Variants in FLVCR2 observed in about 807,000 individuals in gnomAD.
The protein encoded by FLVCR2 is FLVCR choline and putative heme transporter 2.
In FLVCR2, 38 loss-of-function variants were observed where a neutral mutation model predicts 48.9. The ratio of observed to expected loss-of-function variants is 0.78; its 90% CI spans 0.60 to 1.02. FLVCR2 has a LOEUF of 1.02. Ranked by LOEUF, FLVCR2 falls within the 50% of genes least tolerant of loss-of-function variation. FLVCR2 has a pLI of 0.00. For missense variants in FLVCR2, 664 were observed against 663.3 expected (o/e 1.00, Z -0.01); for synonymous variants, 255 against 257.0 (o/e 0.99, Z 0.07).
chr14:75,585,085 C>G (rs1282199278), intron 1 of FLVCR2, among the ~76,000 whole-genome samples: 2 of 151,524 alleles, frequency 1.3e-5, no homozygotes, highest in Non-Finnish European at 2.9e-5. Flanking sequence ...CTCAGCCTGG[C>G]GAGGAGCAGC....
Position 75,641,793 on chromosome 14 carries a change from C to A in FLVCR2, c.1454-50C>A, listed in dbSNP as rs779454753. 4.7e-6 allele frequency: 7 copies of A among 1,495,376 alleles called. No individual in the cohort carries two copies. In the Middle Eastern group the frequency reaches 6.8e-4, roughly 146 times the overall value. The allele number at this position is 1,495,376 out of a possible 1,614,324, so 92.6% of individuals were successfully genotyped here. A position where few individuals can be genotyped will look rare whatever the true frequency, so the allele number is the denominator to read the frequency against. On this transcript the variant is annotated intron_variant, in intron 8 of 9. Transcript: ENST00000238667. ...ATGAAGGTTTCTTCTCTCGGATGAACGTGATAACTGTATTTTTGTCTCTCT... is the reference window on the plus strand; with the variant it reads ...ATGAAGGTTTCTTCTCTCGGATGAAAGTGATAACTGTATTTTTGTCTCTCT...
intron 1 of FLVCR2, among the ~76,000 whole-genome samples, chr14:75,602,608 T>C (rs1468267840): frequency 6.6e-6 from 1 of 152,190 alleles, no homozygotes; most frequent in Non-Finnish European, 1.5e-5. Context: ...ATAATATTTT[T>C]ATTATACCAC....
At chr14:75,638,161 C>T (rs187283397) in intron 5 of FLVCR2, among the ~76,000 whole-genome samples, 10 of 152,002 alleles carry the variant, frequency 6.6e-5, no homozygotes, top group Admixed American at 2.6e-4. Flanking sequence ...CTGGGCCAGG[C>T]GCAGTGGCTC....
chr14:75,584,643 G>A (rs554491358), intron 1 of FLVCR2, among the ~76,000 whole-genome samples: 1 of 152,308 alleles, frequency 6.6e-6, no homozygotes, highest in South Asian at 2.1e-4. Flanking sequence ...GTTCCACTGG[G>A]GGTCCTCTTG....
chr14:75,578,878 G>C lies in FLVCR2; in HGVS notation c.-95G>C. 1 of 1,171,370 alleles carries C rather than the reference G, an allele frequency of 8.5e-7. No homozygotes were observed. Among genetic ancestry groups the C allele is most frequent in the Non-Finnish European group, 1.3e-6 (1 of 788,120 alleles). The allele number at this position is 1,171,370 out of a possible 1,614,324, so 72.6% of individuals were successfully genotyped here. A position where few individuals can be genotyped will look rare whatever the true frequency, so the allele number is the denominator to read the frequency against. ...TCTGTTTCTTCTGGAATAGGCAAGT[G>C]TCCTTTCAACTCTAAGAGACCAGCA... On this transcript the variant is annotated 5_prime_UTR_variant, in exon 1 of 10. Coordinates refer to ENST00000238667, the MANE Select transcript of FLVCR2 (RefSeq NM_017791.3).
At chr14:75,591,232 G>A (rs915564826) in intron 1 of FLVCR2, among the ~76,000 whole-genome samples, 5 of 152,108 alleles carry the variant, frequency 3.3e-5, no homozygotes, top group South Asian at 2.1e-4. Flanking sequence ...TTGTAGAGAC[G>A]GAGTTTCGCC....
At chr14:75,616,210 C>T (rs893896190) in intron 1 of FLVCR2, among the ~76,000 whole-genome samples, 7 of 151,506 alleles carry the variant, frequency 4.6e-5, no homozygotes, top group African/African-American at 1.7e-4. Flanking sequence ...TCCTGTAGTT[C>T]CAGCTACTTG....
At position 75,579,533 on chromosome 14, in the gene FLVCR2, C is replaced by T; in HGVS notation, c.561C>T (p.Cys187=). ...TCACCGTGGTGGGCCAGCTCATCTGCTCTGTGGCCCAGGTTTTCATCCTGG... is the reference window on the plus strand; with the variant it reads ...TCACCGTGGTGGGCCAGCTCATCTGTTCTGTGGCCCAGGTTTTCATCCTGG... The part of the protein sequence containing the change: ...FPVTVVGQLI[C]SVAQVFILGM... Residue 187 remains cysteine, a synonymous_variant, in exon 1 of 10, where the codon TGC becomes TGT. Coordinates refer to ENST00000238667, the MANE Select transcript of FLVCR2 (RefSeq NM_017791.3). 4 of 1,613,750 alleles carry T rather than the reference C, an allele frequency of 2.5e-6. No individual in the cohort carries two copies. The highest frequency in any genetic ancestry group is 2.2e-5 in the South Asian group (2 of 91,062).
chr14:75,600,416 TGGA>T (rs1889136843), intron 1 of FLVCR2, among the ~76,000 whole-genome samples: 1 of 152,236 alleles, frequency 6.6e-6, no homozygotes, highest in African/African-American at 2.4e-5. Flanking sequence ...GCTCTGCCTA[TGGA>T]GTAGCCATTC....
intron 1 of FLVCR2, among the ~76,000 whole-genome samples, chr14:75,589,269 G>A (rs55894821): frequency 0.044 from 6,676 of 152,184 alleles, 200 homozygotes; most frequent in Middle Eastern, 0.068. Flanking sequence ...ATACAATGGC[G>A]GGACAGAGAT....
intron 5 of FLVCR2, among the ~76,000 whole-genome samples, chr14:75,635,399 T>A (rs1890143152): frequency 6.6e-6 from 1 of 152,188 alleles, no homozygotes; most frequent in South Asian, 2.1e-4. Context: ...GATTTCACTC[T>A]CCTGTTCTCA....
chr14:75,604,158 G>A (rs925930039), intron 1 of FLVCR2: 1 of 152,174 alleles, frequency 6.6e-6, no homozygotes, highest in Non-Finnish European at 1.5e-5. Flanking sequence ...GGCCGAGGGT[G>A]TTGAGAATAC....
chr14:75,606,863 G>C (rs1438526699), intron 1 of FLVCR2, among the ~76,000 whole-genome samples: 2 of 151,894 alleles, frequency 1.3e-5, no homozygotes, highest in East Asian at 3.9e-4. Context: ...GGGATCACCT[G>C]AGCCTGGGAG....
intron 1 of FLVCR2, among the ~76,000 whole-genome samples, chr14:75,594,359 C>T (rs938195789): frequency 6.6e-6 from 1 of 152,228 alleles, no homozygotes; most frequent in Non-Finnish European, 1.5e-5. Flanking sequence ...TCCTGATCCT[C>T]CAAATTCTTC....
chr14:75,639,317 A>C (rs1178817937), intron 5 of FLVCR2, 35 bp from the exon 6 acceptor site: 22 of 1,309,426 alleles, frequency 1.7e-5, no homozygotes, highest in Non-Finnish European at 2.4e-5. Flanking sequence ...TAAAGTCAGA[A>C]GTGTTTGATT....
chr14:75,624,603 T>A lies in FLVCR2; in HGVS notation c.812-9T>A. ...GAATTTTCAGCCATCTCTGTTTTTT[T>A]CCTTTCAGTGTTCAAGGAGAAACCT... On this transcript the variant is annotated splice_polypyrimidine_tract_variant and intron_variant, in intron 2 of 9. Coordinates refer to ENST00000238667, the MANE Select transcript of FLVCR2 (RefSeq NM_017791.3). The A allele has an allele frequency of 6.2e-7, 1 of 1,614,128 alleles. No individual in the cohort carries two copies.
chr14:75,599,326 A>C (rs1375190342), intron 1 of FLVCR2, among the ~76,000 whole-genome samples: 4 of 148,254 alleles, frequency 2.7e-5, no homozygotes, highest in African/African-American at 9.9e-5. Context: ...AATGTACAAC[A>C]CCCCCCCCCA....
At chr14:75,608,157 G>C (rs1889343866) in intron 1 of FLVCR2, among the ~76,000 whole-genome samples, 2 of 152,184 alleles carry the variant, frequency 1.3e-5, no homozygotes, top group African/African-American at 4.8e-5. Context: ...CCTGGATTGG[G>C]GGCCATGCCC....
chr14:75,582,784 G>A (rs573307400), intron 1 of FLVCR2, among the ~76,000 whole-genome samples: 6 of 152,288 alleles, frequency 3.9e-5, no homozygotes, highest in African/African-American at 1.4e-4. Flanking sequence ...GGTCAGCTAG[G>A]TTTGCTTTTG....
Sources: allele counts gnomAD v4.1 joint callset (sites outside exome capture counted in the v4.1 genomes callset), GRCh38; gene constraint gnomAD v4.1.1; transcripts MANE v1.5; gene names NCBI Gene and HGNC (gene_info 2026-07-23, HGNC 2026-07-21).